The following SFI1 variants were observed in gnomAD, a reference collection of about 807,000 sequenced individuals.
SFI1 encodes the protein SFI1 centrin binding protein, also known as protein SFI1 homolog.
SFI1 carries 195 observed loss-of-function variants against 207.5 expected under a neutral mutation model. The observed-to-expected ratio is 0.94, with a 90% CI of 0.84 to 1.06. The LOEUF (loss-of-function observed/expected upper bound fraction) is 1.06, where lower values mean the gene tolerates loss of function less well. SFI1 is among the 50% of genes least tolerant of loss of function. The probability of loss-of-function intolerance (pLI) is 0.00; values close to 1 mark genes in which losing one functional copy is unlikely to be tolerated. For missense variants in SFI1, 1,634 were observed against 1,588.0 expected (o/e 1.03, Z -0.49); for synonymous variants, 630 against 598.9 (o/e 1.05, Z -0.76).
chr22:31,521,327 A>T (rs533177058), intron 2 of SFI1: 2 of 175,068 alleles, frequency 1.1e-5, no homozygotes, highest in African/African-American at 2.5e-5. Flanking sequence ...GCAGGTTGCA[A>T]ATGATGAGGG....
At chr22:31,606,491 C>T (rs1321454689) in intron 21 of SFI1, 61 bp downstream of exon 21, 21 of 1,405,400 alleles carry the variant, frequency 1.5e-5, no homozygotes, top group South Asian at 7.0e-5. Context: ...CTGGTGAGGG[C>T]GTGGGATGTA....
At position 31,611,772 on chromosome 22, in the gene SFI1, C is replaced by T. The variant is rs935827183; in HGVS notation, c.2422C>T (p.His808Tyr). 3 of 1,613,300 alleles carry T rather than the reference C, an allele frequency of 1.9e-6. No individual in the cohort carries two copies. The African/African-American group carries it at 4.0e-5, about 22-fold the overall frequency. Reference sequence around the variant, plus strand: ...TGCACTTGCTCTCCCCCAGCTCCTGCACAGGCAGAGCACCCAACTGCTGGC... The same window carrying T: ...TGCACTTGCTCTCCCCCAGCTCCTGTACAGGCAGAGCACCCAACTGCTGGC... ...HLQCVRKRLL[H>Y]RQSTQLLAQR... Residue 808 changes from histidine (H) to tyrosine (Y), a missense_variant, in exon 24 of 33, where the codon CAC becomes TAC. By Grantham distance (83) the His-to-Tyr change is moderately conservative (BLOSUM62 2). Coordinates refer to ENST00000400288, the MANE Select transcript of SFI1 (RefSeq NM_001007467.3).
At chr22:31,536,678 G>C (rs1460536447) in intron 4 of SFI1, among the ~76,000 whole-genome samples, 2 of 152,172 alleles carry the variant, frequency 1.3e-5, no homozygotes, top group Non-Finnish European at 2.9e-5. Flanking sequence ...CTCCCAAAAT[G>C]CTGGGATTAC....
Position 31,613,337 on chromosome 22 carries a change from T to A in SFI1, c.2566-17T>A, listed in dbSNP as rs749069144. On this transcript the variant is annotated splice_polypyrimidine_tract_variant and intron_variant, in intron 25 of 32. Coordinates refer to ENST00000400288, the MANE Select transcript of SFI1 (RefSeq NM_001007467.3). ...TAAGCAGGGAGACCTGGGCCTCACCTCCTGCCCTCCCTGGAGGTGTGGGCC... is the reference window on the plus strand; with the variant it reads ...TAAGCAGGGAGACCTGGGCCTCACCACCTGCCCTCCCTGGAGGTGTGGGCC... The A allele has an allele frequency of 6.2e-7, 1 of 1,603,800 alleles. No homozygotes were observed. The highest frequency in any genetic ancestry group is 8.5e-7 in the Non-Finnish European group (1 of 1,173,524).
At chr22:31,514,745 T>C (rs1166260240) in intron 2 of SFI1, among the ~76,000 whole-genome samples, 1 of 151,946 alleles carries the variant, frequency 6.6e-6, no homozygotes, top group Non-Finnish European at 1.5e-5. Context: ...TTTCCGAAAT[T>C]CATGTTGTCG....
At chr22:31,520,930 G>C (rs1217347943) in intron 2 of SFI1, among the ~76,000 whole-genome samples, 1 of 150,604 alleles carries the variant, frequency 6.6e-6, no homozygotes, top group Non-Finnish European at 1.5e-5. Context: ...CGTGAGCCTG[G>C]GAGACTAAGG....
chr22:31,572,832 CT>C (rs1462871339), intron 8 of SFI1: 48 of 402,028 alleles, frequency 1.2e-4, no homozygotes, highest in South Asian at 2.1e-4. Context: ...TTTTATTCTT[CT>C]TTTTTTTAAT....
intron 9 of SFI1, among the ~76,000 whole-genome samples, chr22:31,574,877 T>G (rs925874907): frequency 1.3e-5 from 2 of 151,850 alleles, no homozygotes; most frequent in Non-Finnish European, 2.9e-5. Context: ...GCTAACATGG[T>G]GAAACCCCAT....
In SFI1 at chr22:31,602,212, G is replaced by A. The variant is rs1336919547; in HGVS notation, c.1545G>A (p.Arg515=). The change falls in exon 16 of 33, where the codon AGG becomes AGA. Residue 515 remains arginine, a splice_region_variant and synonymous_variant. Transcript: ENST00000400288. ...VLSARATRFH[R]ETLEKQVFSL... is the part of the protein sequence containing the mutation. ...CTTTACATTCTTCCTTGTTTTTTAG[G>A]GAGACATTAGAGAAGCAAGTATTTT... is the stretch of plus-strand genomic sequence containing the variant. 6.2e-7 allele frequency: 1 copy of A among 1,612,892 alleles called. No individual in the cohort carries two copies. Among genetic ancestry groups the A allele is most frequent in the Non-Finnish European group, 8.5e-7 (1 of 1,179,016 alleles).
At chr22:31,582,219 TATATATATATATATA>T (rs2064327952) in intron 12 of SFI1, among the ~76,000 whole-genome samples, 5 of 37,300 alleles carry the variant, frequency 1.3e-4, no homozygotes, top group African/African-American at 3.0e-4. Context: ...TATATATATA[TATATATATATATATA>T]TATTTTTTTT....
At chr22:31,513,064 C>T (rs886619776) in intron 2 of SFI1, among the ~76,000 whole-genome samples, 3 of 152,236 alleles carry the variant, frequency 2.0e-5, no homozygotes, top group African/African-American at 7.2e-5. Context: ...GGATTACAGG[C>T]GTCAGCCACC....
chr22:31,613,095 C>T (rs756904087), intron 24 of SFI1, 47 bp from the exon 25 acceptor site: 1 of 1,594,874 alleles, frequency 6.3e-7, no homozygotes, highest in Non-Finnish European at 8.6e-7. Flanking sequence ...TCACCACGGC[C>T]TCCTTGAAGG....
rs138954746 is a variant in SFI1, at chr22:31,613,535, G to A, written c.2742+5G>A. On this transcript the variant is annotated splice_donor_5th_base_variant and intron_variant, in intron 26 of 32. Coordinates refer to ENST00000400288, the MANE Select transcript of SFI1 (RefSeq NM_001007467.3). ...CAGGCCCAGCAGCAGGTCCAGGTAG[G>A]CCCAGGGCCCCTTCCTGTGGGGAGC... 7.6e-4 allele frequency: 1,208 copies of A among 1,583,852 alleles called. 8 individuals carry two copies. In the African/African-American group the frequency reaches 0.014, roughly 19 times the overall value.
intron 12 of SFI1, 66 bp from the exon 13 acceptor site, chr22:31,583,809 G>A (rs1488290897): frequency 1.4e-6 from 2 of 1,397,720 alleles, no homozygotes; most frequent in Non-Finnish European, 2.0e-6. Context: ...CAGTCTGTTG[G>A]AGTAAGGATT....
Position 31,585,101 on chromosome 22 carries a change from G to C in SFI1, c.1380G>C (p.Trp460Cys), listed in dbSNP as rs781351206. 12 of 1,613,916 alleles carry C rather than the reference G, an allele frequency of 7.4e-6. No homozygotes were observed. The highest frequency in any genetic ancestry group is 1.1e-5 in the South Asian group (1 of 91,070). ...TGCTGTGCAAATGTATCGAATTGTG[G>C]CTACAGTATACTCAGAAGAGGCGGT... ...IALLCKCIELWLQYTQKRRYK... is the reference protein window; with the variant it reads ...IALLCKCIELCLQYTQKRRYK... The change falls in exon 14 of 33, where the codon TGG (tryptophan) becomes TGC (cysteine). Residue 460 changes from tryptophan (W) to cysteine (C), a missense_variant. Transcript: ENST00000400288.
At chr22:31,604,771 G>C (rs1246598036) in intron 19 of SFI1, 98 bp from the exon 20 acceptor site, 1 of 1,118,310 alleles carries the variant, frequency 8.9e-7, no homozygotes, top group East Asian at 2.7e-5. Flanking sequence ...TGAGTTCTCT[G>C]GGCATGGCAG....
chr22:31,514,864 C>T (rs1305363892), intron 2 of SFI1, among the ~76,000 whole-genome samples: 2 of 151,858 alleles, frequency 1.3e-5, no homozygotes, highest in Admixed American at 1.3e-4. Flanking sequence ...CTCTACCTCC[C>T]GGATTCAAGC....
chr22:31,594,815 A>G (rs1191080329), intron 15 of SFI1, among the ~76,000 whole-genome samples: 4 of 136,286 alleles, frequency 2.9e-5, no homozygotes, highest in Admixed American at 8.0e-5. Flanking sequence ...AGATCACACC[A>G]CTGCACTCTA....
chr22:31,595,422 T>G (rs947292702), intron 15 of SFI1, among the ~76,000 whole-genome samples: 1 of 152,252 alleles, frequency 6.6e-6, no homozygotes, highest in African/African-American at 2.4e-5. Context: ...ATTAATAATT[T>G]CCTTTTCACA....
Sources: allele counts gnomAD v4.1 joint callset (sites outside exome capture counted in the v4.1 genomes callset), GRCh38; gene constraint gnomAD v4.1.1; transcripts MANE v1.5; gene names NCBI Gene and HGNC (gene_info 2026-07-23, HGNC 2026-07-21).